FHOD1: variants seen among roughly 807,000 people sequenced by gnomAD.
The protein encoded by FHOD1 is formin homology 2 domain containing 1, also known as FH1/FH2 domain-containing protein 1.
In FHOD1, 89 loss-of-function variants were observed where a neutral mutation model predicts 111.6. The ratio of observed to expected loss-of-function variants is 0.80; its 90% CI spans 0.67 to 0.95. The LOEUF is 0.95. Among genes scored for constraint, FHOD1 ranks in the 40% least tolerant of loss-of-function variants. FHOD1 has a pLI of 0.00. For synonymous variants in FHOD1, 618 were observed against 639.0 expected (o/e 0.97, Z 0.50); for missense variants, 1,446 against 1,554.2 (o/e 0.93, Z 1.17).
At position 67,231,148 on chromosome 16, in the gene FHOD1, A is replaced by G; in HGVS notation, c.2667+40T>C. On this transcript the variant is annotated intron_variant, in intron 17 of 21. Coordinates refer to ENST00000258201, the MANE Select transcript of FHOD1 (RefSeq NM_013241.3). This position sits in a 1 kb window ranked among gnomAD's most constrained non-coding sequence, Gnocchi z 4.3. ...CCAGGCCCAGGAAGCAGCGCTCCTC[A>G]TGCCTTGTCCGGCCTTGGTTGATTC... 1.2e-6 allele frequency: 2 copies of G among 1,609,796 alleles called. No homozygotes were observed. Among genetic ancestry groups the G allele is most frequent in the Non-Finnish European group, 1.7e-6 (2 of 1,177,368 alleles).
chr16:67,247,417 G>C lies in FHOD1; in HGVS notation c.-7C>G. ...GGTCTTCCCCGCCCGCCATGGCTCT[G>C]CGGCCGGCTCACGCAGCGCGCCTCC... On this transcript the variant is annotated 5_prime_UTR_variant, in exon 1 of 22. Coordinates refer to ENST00000258201, the MANE Select transcript of FHOD1 (RefSeq NM_013241.3). The C allele has an allele frequency of 1.9e-6, 3 of 1,612,030 alleles. No homozygotes were observed. The highest frequency in any genetic ancestry group is 2.5e-6 in the Non-Finnish European group (3 of 1,179,306).
Position 67,247,249 on chromosome 16 carries a change from C to A in FHOD1, c.162G>T (p.Gln54His), listed in dbSNP as rs1453348290. The change falls in exon 1 of 22, where the codon CAG becomes CAT. Residue 54 changes from glutamine to histidine, a missense_variant. Coordinates refer to ENST00000258201, the MANE Select transcript of FHOD1 (RefSeq NM_013241.3). ...SLDGALPLGAQIPAVHRLLGA... is the reference protein window; with the variant it reads ...SLDGALPLGAHIPAVHRLLGA... ...CCAGCAGGCGGTGCACCGCGGGTAT[C>A]TGCGCGCCCAAGGGCAGCGCCCCGT... is the stretch of plus-strand genomic sequence containing the variant. 1.2e-5 allele frequency: 19 copies of A among 1,607,662 alleles called. No homozygotes were observed. The highest frequency in any genetic ancestry group is 1.5e-5 in the Non-Finnish European group (18 of 1,177,854).
At chr16:67,239,058 GC>G in intron 2 of FHOD1, 91 bp from the exon 3 acceptor site, 2 of 1,269,842 alleles carry the variant, frequency 1.6e-6, no homozygotes, top group East Asian at 2.4e-5. Context: ...CCCCATGCCA[GC>G]CCCAGCCCAG....
At chr16:67,239,911 C>T (rs2034619329) in intron 1 of FHOD1, among the ~76,000 whole-genome samples, 1 of 152,180 alleles carries the variant, frequency 6.6e-6, no homozygotes, top group Admixed American at 6.6e-5. Flanking sequence ...AGCTAATAAA[C>T]ACAGATGAGG....
intron 20 of FHOD1, 25 bp from the exon 21 acceptor site, chr16:67,230,015 C>G (rs1255842117): frequency 1.9e-6 from 3 of 1,613,188 alleles, no homozygotes; most frequent in Non-Finnish European, 2.5e-6. Flanking sequence ...ATAGCAAAGT[C>G]AGGCCAAGGT....
intron 1 of FHOD1, among the ~76,000 whole-genome samples, chr16:67,240,633 A>G (rs1221946975): frequency 1.3e-5 from 2 of 152,216 alleles, no homozygotes; most frequent in East Asian, 3.8e-4. Context: ...CCACGTGTCC[A>G]TGTTTCCCTC....
At chr16:67,246,463 T>A (rs1035479430) in intron 1 of FHOD1, among the ~76,000 whole-genome samples, 1 of 152,084 alleles carries the variant, frequency 6.6e-6, no homozygotes, top group Non-Finnish European at 1.5e-5. Context: ...CTTTCCGCAC[T>A]GTGCACAAGT....
rs898817909 is a variant in FHOD1 at position 67,237,109 on chromosome 16, G to A, written c.999C>T (p.Ala333=). ...CGATGTCTCCATCCTCCAATTTCAG[G>A]GCGTTCTAGCAGAGGCGGACCAGGA... ...LRTQLVLYEN[A]LKLEDGDIEE... Residue 333 remains alanine, a synonymous_variant, in exon 10 of 22, where the codon GCC becomes GCT. Transcript: ENST00000258201. The surrounding 1 kb of genome is among the most constrained non-coding windows in gnomAD (Gnocchi z 5.6). 74 of 1,610,050 alleles carry A rather than the reference G, an allele frequency of 4.6e-5. No homozygotes were observed. Among genetic ancestry groups the A allele is most frequent in the Non-Finnish European group, 5.7e-5 (67 of 1,178,536 alleles).
In FHOD1 at chr16:67,234,246, G is replaced by C. The variant is rs2271291; in HGVS notation, c.1457C>G (p.Ser486Cys). 1.4e-4 allele frequency: 216 copies of C among 1,556,688 alleles called. 2 individuals are homozygous for C. In the East Asian group the frequency reaches 4.7e-3, roughly 34 times the overall value. ...GHPDARQLWD[S>C]PETAPAARTP... is the part of the protein sequence containing the mutation. The stretch of plus-strand genomic sequence containing the variant: ...TCTGGCTGCAGGGGCTGTCTCTGGG[G>C]AGTCCCAGAGTTGCCGGGCATCTAA... Residue 486 changes from serine (S) to cysteine (C), a missense_variant, in exon 13 of 22, where the codon TCC (serine) becomes TGC (cysteine). Physicochemically the swap from Ser to Cys is moderately radical, Grantham distance 112. Transcript: ENST00000258201.
chr16:67,235,900 G>A (rs1280372816), intron 11 of FHOD1: 2 of 287,514 alleles, frequency 7.0e-6, no homozygotes, highest in Non-Finnish European at 1.0e-5. Flanking sequence ...TCTGGGAGAG[G>A]ATAGGCCTGA....
In FHOD1 at chr16:67,231,649, G is replaced by A. The variant is rs893899649; in HGVS notation, c.2373C>T (p.Asp791=). Residue 791 remains aspartate (D), a synonymous_variant, in exon 15 of 22, where the codon GAC becomes GAT. Coordinates refer to ENST00000258201, the MANE Select transcript of FHOD1 (RefSeq NM_013241.3). The surrounding 1 kb of genome is among the most constrained non-coding windows in gnomAD (Gnocchi z 4.3). ...LQLWAFKLDY[D]SMEREIAEPL... Reference sequence around the variant, plus strand: ...AAGACCCAGGTACCCGCTCCATGCTGTCATAGTCCAGCTTGAAGGCCCAGA... The same window carrying A: ...AAGACCCAGGTACCCGCTCCATGCTATCATAGTCCAGCTTGAAGGCCCAGA... The A allele has an allele frequency of 4.3e-6, 7 of 1,614,182 alleles. No homozygotes were observed. Among genetic ancestry groups the A allele is most frequent in the Non-Finnish European group, 5.9e-6 (7 of 1,180,022 alleles).
At position 67,231,233 on chromosome 16, in the gene FHOD1, G is replaced by T. The variant is rs2034256391; in HGVS notation, c.2622C>A (p.Ser874=). 7 of 1,614,208 alleles carry T rather than the reference G, an allele frequency of 4.3e-6. No homozygotes were observed. The highest frequency in any genetic ancestry group is 5.9e-6 in the Non-Finnish European group (7 of 1,180,030). ...CSLVLQTRPE[S]SDLYSEIPAL... is the part of the protein sequence containing the mutation. ...CAGGGATTTCTGAATAGAGGTCAGA[G>T]GACTCAGGCCGGGTCTGGAGCACTA... Residue 874 remains serine, a synonymous_variant, in exon 17 of 22, where the codon TCC becomes TCA. Coordinates refer to ENST00000258201, the MANE Select transcript of FHOD1 (RefSeq NM_013241.3). This position sits in a 1 kb window ranked among gnomAD's most constrained non-coding sequence, Gnocchi z 4.3.
At chr16:67,243,454 T>C (rs2034723196) in intron 1 of FHOD1, among the ~76,000 whole-genome samples, 1 of 151,978 alleles carries the variant, frequency 6.6e-6, no homozygotes. Context: ...CCTCAAGCAA[T>C]CCTCTGGCCT....
At chr16:67,236,878 C>T in intron 10 of FHOD1, 88 bp downstream of exon 10, 3 of 1,491,432 alleles carry the variant, frequency 2.0e-6, no homozygotes, top group Non-Finnish European at 2.7e-6. Context: ...TGGGGCGGGG[C>T]CTGAGGGGGT....
Position 67,237,162 on chromosome 16 carries a change from G to A in FHOD1, c.994-48C>T. On this transcript the variant is annotated intron_variant, in intron 9 of 21. Coordinates refer to ENST00000258201, the MANE Select transcript of FHOD1 (RefSeq NM_013241.3). This position sits in a 1 kb window ranked among gnomAD's most constrained non-coding sequence, Gnocchi z 5.6. The stretch of plus-strand genomic sequence containing the variant: ...TAAGAAAGTGGTTAACGTGTATGCA[G>A]GTGGGGTGGGGCGCTGGGGACTGCG... The A allele has an allele frequency of 6.2e-7, 1 of 1,601,838 alleles. No homozygotes were observed. Among genetic ancestry groups the A allele is most frequent in the African/African-American group, 1.3e-5 (1 of 74,712 alleles).
Position 67,234,168 on chromosome 16 carries a change from G to A in FHOD1, c.1535C>T (p.Ala512Val). The change falls in exon 13 of 22, where the codon GCA becomes GTA. Residue 512 changes from alanine to valine, a missense_variant. By Grantham distance (64) the Ala-to-Val change is moderately conservative. Transcript: ENST00000258201. ...CVLLRAQRSL[A>V]PEPKEPLIPA... Reference sequence around the variant, plus strand: ...TATCAGTGGCTCCTTGGGCTCTGGTGCAAGGCTTCGCTGGGCCCGGAGCAG... The same window carrying A: ...TATCAGTGGCTCCTTGGGCTCTGGTACAAGGCTTCGCTGGGCCCGGAGCAG... 6.4e-7 allele frequency: 1 copy of A among 1,554,594 alleles called. No homozygotes were observed. The highest frequency in any genetic ancestry group is 2.3e-5 in the East Asian group (1 of 44,352).
intron 1 of FHOD1, among the ~76,000 whole-genome samples, chr16:67,243,078 C>T (rs2034712444): frequency 1.3e-5 from 2 of 151,898 alleles, no homozygotes; most frequent in Non-Finnish European, 2.9e-5. Flanking sequence ...TTTTTAATAA[C>T]AGTGTAATCA....
At chr16:67,232,518 CAAAAAA>C (rs988902359) in intron 13 of FHOD1, among the ~76,000 whole-genome samples, 2 of 48,606 alleles carry the variant, frequency 4.1e-5, no homozygotes, top group African/African-American at 7.6e-5. Flanking sequence ...GACTCTGTCT[CAAAAAA>C]AAAAAAAAAA....
At chr16:67,232,888 C>T (rs1458091118) in intron 13 of FHOD1, among the ~76,000 whole-genome samples, 1 of 151,706 alleles carries the variant, frequency 6.6e-6, no homozygotes, top group Admixed American at 6.6e-5. Flanking sequence ...TCCCAAGTAG[C>T]TGGTATTGCA....
Sources: allele counts gnomAD v4.1 joint callset (sites outside exome capture counted in the v4.1 genomes callset), GRCh38; gene constraint gnomAD v4.1.1; non-coding constraint Gnocchi (gnomAD v3.1); transcripts MANE v1.5; gene names NCBI Gene and HGNC (gene_info 2026-07-23, HGNC 2026-07-21).